The following RUVBL2 variants were observed in gnomAD, a reference collection of about 807,000 sequenced individuals.
RUVBL2 encodes the protein RuvB like AAA ATPase 2.
In RUVBL2, 9 loss-of-function variants were observed where a neutral mutation model predicts 57.9. The observed-to-expected ratio is 0.16, with a 90% CI of 0.09 to 0.27. RUVBL2 has a LOEUF of 0.27. Among genes scored for constraint, RUVBL2 ranks in the 10% least tolerant of loss-of-function variants. RUVBL2 has a pLI of 1.00. For synonymous variants in RUVBL2, 278 were observed against 264.6 expected, an observed-to-expected ratio of 1.05 and a Z score of -0.49; for missense variants, 456 against 669.6, an observed-to-expected ratio of 0.68 and a Z score of 3.52.
intron 9 of RUVBL2, 130 bp from the exon 10 acceptor site, chr19:49,010,869 G>T (rs143657314): frequency 7.7e-6 from 7 of 914,910 alleles, no homozygotes; most frequent in Non-Finnish European, 1.0e-5. Context: ...GATGTTTCAG[G>T]CTCCTCATCC....
At chr19:49,013,285 A>G (rs2039472244) in intron 11 of RUVBL2, among the ~76,000 whole-genome samples, 1 of 146,302 alleles carries the variant, frequency 6.8e-6, no homozygotes, top group South Asian at 2.1e-4. Flanking sequence ...TTTTTTGTAG[A>G]GATGGTGTTT....
At chr19:48,996,728 T>C (rs985780383) in intron 1 of RUVBL2, among the ~76,000 whole-genome samples, 1 of 152,180 alleles carries the variant, frequency 6.6e-6, no homozygotes, top group Non-Finnish European at 1.5e-5. Flanking sequence ...GGTTTCACCA[T>C]GTTGGCCAGG....
chr19:49,000,285 T>A (rs1233814661), intron 2 of RUVBL2, among the ~76,000 whole-genome samples: 1 of 152,268 alleles, frequency 6.6e-6, no homozygotes. Context: ...CTGGGTGCAG[T>A]GGCTCATGCC....
Position 49,011,374 on chromosome 19 carries a change from G to T in RUVBL2, c.1001+64G>T, listed in dbSNP as rs2039425071. The T allele has an allele frequency of 7.6e-7, 1 of 1,313,118 alleles. No individual in the cohort carries two copies. Among genetic ancestry groups the T allele is most frequent in the Middle Eastern group, 2.0e-4 (1 of 5,006 alleles). 81.3% of individuals were successfully genotyped at this position (1,313,118 alleles called of 1,614,324 possible). A position where few individuals can be genotyped will look rare whatever the true frequency, so the allele number is the denominator to read the frequency against. The stretch of plus-strand genomic sequence containing the variant: ...CTCTGGGCAGTGGGTGTGGTCAGAG[G>T]GTCAATGGGAGCCTGTGTTGACACC... On this transcript the variant is annotated intron_variant, in intron 11 of 14. Transcript: ENST00000595090. This position sits in a 1 kb window ranked among gnomAD's most constrained non-coding sequence, Gnocchi z 4.4.
chr19:49,010,135 CTTGACCCATGGGGTCTGGA>C, intron 8 of RUVBL2, 69 bp downstream of exon 8: 4 of 1,359,772 alleles, frequency 2.9e-6, no homozygotes, highest in Non-Finnish European at 4.1e-6. Flanking sequence ...CCATCACCCC[CTTGACCCATGGGGTCTGGA>C]TCTTCCTGTT....
chr19:49,014,892 T>G, intron 12 of RUVBL2, 129 bp from the exon 13 acceptor site: 7 of 1,312,432 alleles, frequency 5.3e-6, no homozygotes, highest in Non-Finnish European at 7.2e-6. Context: ...AGCCTCAGCA[T>G]TCTATGGTTC....
At position 49,010,582 on chromosome 19, in the gene RUVBL2, G is replaced by A. The variant is rs775566928; in HGVS notation, c.758G>A (p.Arg253His). 2.3e-5 allele frequency: 36 copies of A among 1,597,352 alleles called. No individual in the cohort carries two copies. The highest frequency in any genetic ancestry group is 4.6e-5 in the East Asian group (2 of 43,766). The change falls in exon 9 of 15, where the codon CGC becomes CAC. Residue 253 changes from arginine (R) to histidine (H), a missense_variant. Coordinates refer to ENST00000595090, the MANE Select transcript of RUVBL2 (RefSeq NM_006666.3). ...SLHEIDVINSRTQGFLALFSG... is the reference protein window; with the variant it reads ...SLHEIDVINSHTQGFLALFSG... ...CACGAGATCGACGTCATCAACTCTCGCACCCAGGGCTTCCTGGCGCTCTTC... is the reference window on the plus strand; with the variant it reads ...CACGAGATCGACGTCATCAACTCTCACACCCAGGGCTTCCTGGCGCTCTTC...
chr19:48,996,502 CTG>C (rs72341497), intron 1 of RUVBL2, among the ~76,000 whole-genome samples: 23,950 of 137,984 alleles, frequency 0.17, 2,389 homozygotes, highest in East Asian at 0.43. Flanking sequence ...ATTTTTGTAT[CTG>C]TGTGTGTGTG....
chr19:49,015,618 T>A lies in RUVBL2; in HGVS notation c.1298T>A (p.Phe433Tyr). ...VDDIKRVYSL[F>Y]LDESRSTQYM... ...GACATCAAGCGGGTCTACTCACTCT[T>A]CCTGGACGAGTCCCGCTCCACGCAG... The change falls in exon 14 of 15, where the codon TTC becomes TAC. Residue 433 changes from phenylalanine (F) to tyrosine (Y), a missense_variant. By Grantham distance (22) the Phe-to-Tyr change is conservative. This residue lies in a region of RUVBL2 where 67 missense variants were observed against 71.5 expected (regional missense o/e 0.94). Transcript: ENST00000595090. The A allele has an allele frequency of 1.2e-6, 2 of 1,614,106 alleles. No individual in the cohort carries two copies. The highest frequency in any genetic ancestry group is 8.5e-7 in the Non-Finnish European group (1 of 1,180,012).
intron 2 of RUVBL2, among the ~76,000 whole-genome samples, chr19:49,000,486 G>A (rs1012616644): frequency 3.3e-5 from 5 of 152,182 alleles, no homozygotes. Flanking sequence ...ACGAGGAGGT[G>A]GAGGTTGCAG....
intron 8 of RUVBL2, 116 bp from the exon 9 acceptor site, chr19:49,010,372 C>A (rs553833619): frequency 2.5e-4 from 262 of 1,065,946 alleles, no homozygotes; most frequent in Non-Finnish European, 3.4e-4. Context: ...CCCCATTTAG[C>A]CTCCCAGCTC....
rs1305709985 is a variant in RUVBL2 at position 49,010,536 on chromosome 19, G to T, written c.712G>T (p.Val238Leu). The change falls in exon 9 of 15, where the codon GTG (valine) becomes TTG (leucine). Residue 238 changes from valine to leucine, a missense_variant. Val to Leu is a conservative substitution (Grantham distance 32). Coordinates refer to ENST00000595090, the MANE Select transcript of RUVBL2 (RefSeq NM_006666.3). The stretch of plus-strand genomic sequence containing the variant: ...TGGGGAGCTCCAGAAACGCAAGGAG[G>T]TGGTGCACACCGTGTCCCTGCACGA... The part of the protein sequence containing the change: ...PDGELQKRKE[V>L]VHTVSLHEID... 2 of 1,573,092 alleles carry T rather than the reference G, an allele frequency of 1.3e-6. No homozygotes were observed. Among genetic ancestry groups the T allele is most frequent in the African/African-American group, 2.8e-5 (2 of 72,670 alleles).
intron 12 of RUVBL2, 94 bp from the exon 13 acceptor site, chr19:49,014,924 TCCC>T (rs1219864679): frequency 4.1e-6 from 6 of 1,456,456 alleles, no homozygotes; most frequent in Admixed American, 4.2e-5. Context: ...CGCCACATAT[TCCC>T]AGTGGGGAAG....
chr19:49,003,862 C>T (rs76771366), intron 3 of RUVBL2, among the ~76,000 whole-genome samples: 10,476 of 151,602 alleles, frequency 0.069, 413 homozygotes, highest in Middle Eastern at 0.095. Context: ...CACTTGTAAT[C>T]CCAATACTTT....
chr19:49,015,613 A>G lies in RUVBL2; in HGVS notation c.1293A>G (p.Ser431=). 1 of 1,613,790 alleles carries G rather than the reference A, an allele frequency of 6.2e-7. No homozygotes were observed. The highest frequency in any genetic ancestry group is 8.5e-7 in the Non-Finnish European group (1 of 1,179,954). ...VQVDDIKRVY[S]LFLDESRSTQ... ...TGGATGACATCAAGCGGGTCTACTCACTCTTCCTGGACGAGTCCCGCTCCA... is the reference window on the plus strand; with the variant it reads ...TGGATGACATCAAGCGGGTCTACTCGCTCTTCCTGGACGAGTCCCGCTCCA... The change falls in exon 14 of 15, where the codon TCA becomes TCG. Residue 431 remains serine, a synonymous_variant. Coordinates refer to ENST00000595090, the MANE Select transcript of RUVBL2 (RefSeq NM_006666.3).
chr19:48,994,134 C>G, intron 1 of RUVBL2: 1 of 546,938 alleles, frequency 1.8e-6, no homozygotes, highest in Non-Finnish European at 3.3e-6. Context: ...GGGGAGGGGG[C>G]TGGGATCCCA....
chr19:49,014,732 AC>A (rs1479820140), intron 12 of RUVBL2, 129 bp downstream of exon 12: 6 of 1,307,464 alleles, frequency 4.6e-6, no homozygotes, highest in Non-Finnish European at 6.2e-6. Flanking sequence ...CTGAGCGGGC[AC>A]CCAGACGGTG....
intron 4 of RUVBL2, among the ~76,000 whole-genome samples, chr19:49,006,488 ATGCTGGCACG>A (rs1490301827): frequency 6.6e-6 from 1 of 152,204 alleles, no homozygotes; most frequent in Non-Finnish European, 1.5e-5. Flanking sequence ...GTGTCATCCC[ATGCTGGCACG>A]TGTTCTGTTA....
intron 4 of RUVBL2, among the ~76,000 whole-genome samples, chr19:49,005,082 A>T (rs1040458608): frequency 2.0e-5 from 3 of 151,942 alleles, no homozygotes; most frequent in African/African-American, 7.3e-5. Context: ...CTAGTGGTTT[A>T]TGATCTTTTC....
Sources: allele counts gnomAD v4.1 joint callset (sites outside exome capture counted in the v4.1 genomes callset), GRCh38; gene constraint gnomAD v4.1.1; regional missense constraint gnomAD v4.1.1; non-coding constraint Gnocchi (gnomAD v3.1); transcripts MANE v1.5; gene names NCBI Gene and HGNC (gene_info 2026-07-23, HGNC 2026-07-21).